The following NNT variants were observed in gnomAD, a reference collection of about 807,000 sequenced individuals.
NNT encodes the protein NAD(P) transhydrogenase, mitochondrial.
In NNT, 50 loss-of-function variants were observed where a neutral mutation model predicts 104.8. The ratio of observed to expected loss-of-function variants is 0.48; its 90% confidence interval spans 0.38 to 0.60. The LOEUF (loss-of-function observed/expected upper bound fraction) is 0.60. NNT is among the 20% of genes least tolerant of loss of function. The probability of loss-of-function intolerance (pLI) is 0.00; values close to 1 mark genes in which losing one functional copy is unlikely to be tolerated. For synonymous variants in NNT, 461 were observed against 490.4 expected (o/e 0.94, Z 0.79); for missense variants, 1,131 against 1,330.7 (o/e 0.85, Z 2.33).
At chr5:43,649,593 A>G (rs1387905157) in intron 11 of NNT, among the ~76,000 whole-genome samples, 1 of 144,932 alleles carries the variant, frequency 6.9e-6, no homozygotes, top group Non-Finnish European at 1.5e-5. Context: ...TTTTTTTTTT[A>G]AAGAAAAGGA....
chr5:43,643,498 T>TTAC (rs1751343039), intron 7 of NNT, among the ~76,000 whole-genome samples: 1 of 152,204 alleles, frequency 6.6e-6, no homozygotes, highest in Non-Finnish European at 1.5e-5. Flanking sequence ...TTTTGTTTAT[T>TTAC]TACCACTGTA....
At chr5:43,645,903 C>T (rs1424536878) in intron 10 of NNT, among the ~76,000 whole-genome samples, 4 of 150,728 alleles carry the variant, frequency 2.7e-5, no homozygotes, top group Admixed American at 6.6e-5. Flanking sequence ...TTAGTAGAGA[C>T]GGGGTTTCAC....
At chr5:43,639,330 G>T (rs2111785968) in intron 7 of NNT, among the ~76,000 whole-genome samples, 1 of 152,246 alleles carries the variant, frequency 6.6e-6, no homozygotes, top group South Asian at 2.1e-4. Context: ...ACAGCCATAT[G>T]TGCATATATC....
chr5:43,657,962 C>G (rs1193902907), intron 16 of NNT, among the ~76,000 whole-genome samples: 1 of 151,896 alleles, frequency 6.6e-6, no homozygotes, highest in Non-Finnish European at 1.5e-5. Flanking sequence ...TGGTGAAACC[C>G]CGTCTCTACT....
chr5:43,651,964 T>C, intron 13 of NNT, 80 bp downstream of exon 13: 1 of 1,452,526 alleles, frequency 6.9e-7, no homozygotes, highest in Non-Finnish European at 9.5e-7. Flanking sequence ...GTTATCCTAA[T>C]TCAAAGTATC....
intron 10 of NNT, among the ~76,000 whole-genome samples, chr5:43,645,840 A>G (rs1739399149): frequency 6.8e-6 from 1 of 146,506 alleles, no homozygotes; most frequent in Admixed American, 6.9e-5. Flanking sequence ...TCAGCCTCCC[A>G]AGTAGCTGGG....
At chr5:43,666,817 A>G (rs941623906) in intron 17 of NNT, 7 of 1,356,068 alleles carry the variant, frequency 5.2e-6, no homozygotes, top group East Asian at 2.3e-5. Flanking sequence ...CTGAGCTGGA[A>G]CTGAAGCTGG....
intron 7 of NNT, among the ~76,000 whole-genome samples, chr5:43,636,140 A>G (rs1750918740): frequency 1.3e-5 from 2 of 152,182 alleles, no homozygotes; most frequent in Non-Finnish European, 1.5e-5. Flanking sequence ...ATGTGGATAA[A>G]AATTTCTACC....
At chr5:43,677,672 T>A in intron 18 of NNT, 53 bp from the exon 19 acceptor site, 3 of 1,483,506 alleles carry the variant, frequency 2.0e-6, no homozygotes, top group Non-Finnish European at 1.9e-6. Context: ...TTGTACTTCA[T>A]GTAATTTCAA....
intron 16 of NNT, 70 bp downstream of exon 16, chr5:43,656,883 AATC>A: frequency 7.0e-7 from 1 of 1,429,220 alleles, no homozygotes. Context: ...ATTAAAGTGT[AATC>A]ATATTTTTAT....
intron 18 of NNT, among the ~76,000 whole-genome samples, chr5:43,676,178 C>T (rs1410165454): frequency 2.6e-5 from 4 of 152,228 alleles, no homozygotes; most frequent in Admixed American, 2.0e-4. Context: ...TTAATTTTGC[C>T]TCTAACAATC....
At chr5:43,624,967 G>A (rs1750287423) in intron 6 of NNT, among the ~76,000 whole-genome samples, 1 of 152,160 alleles carries the variant, frequency 6.6e-6, no homozygotes, top group African/African-American at 2.4e-5. Flanking sequence ...ATGTTCCATA[G>A]AATATGGTTA....
intron 7 of NNT, among the ~76,000 whole-genome samples, chr5:43,637,165 G>C (rs892347887): frequency 6.6e-6 from 1 of 152,120 alleles, no homozygotes; most frequent in Non-Finnish European, 1.5e-5. Context: ...TTAGGCTCAT[G>C]AACACAGCTT....
chr5:43,676,529 C>A (rs1741423254), intron 18 of NNT, among the ~76,000 whole-genome samples: 1 of 152,140 alleles, frequency 6.6e-6, no homozygotes, highest in African/African-American at 2.4e-5. Context: ...TTTTGGTTGT[C>A]CAAAGATGGG....
chr5:43,703,852 C>T (rs1157569337), intron 21 of NNT, among the ~76,000 whole-genome samples: 1 of 152,170 alleles, frequency 6.6e-6, no homozygotes, highest in Non-Finnish European at 1.5e-5. Context: ...CACTCAACCT[C>T]ATCTGTTTTA....
At position 43,705,151 on chromosome 5, in the gene NNT, A is replaced by G. The variant is rs2112275219; in HGVS notation, c.*747A>G. 6.6e-6 allele frequency: 1 copy of G among 152,270 alleles called. No individual in the cohort carries two copies. Among genetic ancestry groups the G allele is most frequent in the South Asian group, 2.1e-4 (1 of 4,828 alleles). The allele number at this position is 152,270 out of a possible 1,614,324, so 9.4% of individuals were successfully genotyped here. On this transcript the variant is annotated 3_prime_UTR_variant, in exon 22 of 22. Transcript: ENST00000344920. ...ATTGGAGATCTCTTTAATTTCGATC[A>G]ACTTATAATGTGTAGTACTATATTA...
Position 43,704,257 on chromosome 5 carries a change from G to C in NNT, c.3114G>C (p.Val1038=). The C allele has an allele frequency of 6.4e-7, 1 of 1,561,866 alleles. No individual in the cohort carries two copies. The highest frequency in any genetic ancestry group is 1.2e-5 in the South Asian group (1 of 82,104). The change falls in exon 22 of 22, where the codon GTG becomes GTC. Residue 1038 remains valine (V), a splice_region_variant and synonymous_variant. Transcript: ENST00000344920. ...PVLEVWKSKQ[V]IVMKRSLGVG... is the part of the protein sequence containing the mutation. ...CTCATTTAATCTCTGGTTCTCAGGT[G>C]ATTGTTATGAAGAGGTCTTTGGGTG...
At chr5:43,632,125 CA>C (rs1750706349) in intron 7 of NNT, among the ~76,000 whole-genome samples, 1 of 152,282 alleles carries the variant, frequency 6.6e-6, no homozygotes, top group African/African-American at 2.4e-5. Flanking sequence ...CATGAAGGTA[CA>C]AATGCCCTTT....
At chr5:43,628,111 G>A (rs1750462580) in intron 6 of NNT, 89 bp from the exon 7 acceptor site, 1 of 987,780 alleles carries the variant, frequency 1.0e-6, no homozygotes, top group Non-Finnish European at 1.4e-6. Flanking sequence ...ATAGTTTGTT[G>A]TTCTTAAAAA....
Sources: allele counts gnomAD v4.1 joint callset (sites outside exome capture counted in the v4.1 genomes callset), GRCh38; gene constraint gnomAD v4.1.1; transcripts MANE v1.5; gene names NCBI Gene and HGNC (gene_info 2026-07-23, HGNC 2026-07-21).